RAC2: variants seen among roughly 807,000 people sequenced by gnomAD.
RAC2 encodes the protein Rac family small GTPase 2.
Under a neutral mutation model 24.0 loss-of-function variants are expected in RAC2, and 1 was observed. The ratio of observed to expected loss-of-function variants is 0.04; its 90% CI spans 0.01 to 0.20. RAC2 has a LOEUF of 0.20. Ranked by LOEUF, RAC2 falls within the 10% of genes least tolerant of loss-of-function variation. The pLI is 1.00. For missense variants in RAC2, 130 were observed against 259.1 expected (o/e 0.50, Z 3.42); for synonymous variants, 114 against 106.8 (o/e 1.07, Z -0.41).
intron 1 of RAC2, among the ~76,000 whole-genome samples, chr22:37,242,685 A>T (rs1927440960): frequency 6.6e-6 from 1 of 152,186 alleles, no homozygotes; most frequent in Non-Finnish European, 1.5e-5. Context: ...CCCTCCTCCG[A>T]TCAGATACAA....
chr22:37,240,746 G>T (rs1927362015), intron 2 of RAC2: 2 of 466,096 alleles, frequency 4.3e-6, no homozygotes, highest in Non-Finnish European at 7.9e-6. Flanking sequence ...CTTCGTGGTA[G>T]ATCAGAAAGG....
intron 5 of RAC2, among the ~76,000 whole-genome samples, chr22:37,228,845 C>G (rs1569088524): frequency 1.3e-5 from 2 of 152,202 alleles, no homozygotes; most frequent in Admixed American, 6.5e-5. Context: ...GAGGATGTCA[C>G]TCGCTCTGAG....
At chr22:37,227,013 C>CCCT (rs1199741870) in intron 5 of RAC2, among the ~76,000 whole-genome samples, 2 of 39,306 alleles carry the variant, frequency 5.1e-5, no homozygotes, top group African/African-American at 2.8e-4. Context: ...ACGCCATACA[C>CCCT]CCCTCCCACG....
intron 2 of RAC2, among the ~76,000 whole-genome samples, chr22:37,237,169 C>T (rs1248185073): frequency 6.9e-6 from 1 of 144,862 alleles, no homozygotes; most frequent in African/African-American, 2.6e-5. Context: ...AGCCTGGTGA[C>T]ACAGCGAGAC....
intron 5 of RAC2, among the ~76,000 whole-genome samples, chr22:37,229,149 T>C (rs1027966826): frequency 6.6e-5 from 10 of 152,202 alleles, no homozygotes; most frequent in Non-Finnish European, 1.2e-4. Context: ...CAGGGCTCAC[T>C]TTGGCTCGGC....
In RAC2 at chr22:37,232,568, A is replaced by C; in HGVS notation, c.225+233T>G. On this transcript the variant is annotated intron_variant, in intron 3 of 6. Transcript: ENST00000249071. ...GAAACAGGGGGTGCCAGAGCCCAGG[A>C]GGCAATGGGGTGGGAAGATGGGCAC... 3 of 568,194 alleles carry C rather than the reference A, an allele frequency of 5.3e-6. No individual in the cohort carries two copies. In the South Asian group the frequency reaches 5.8e-5, roughly 11 times the overall value. The allele number at this position is 568,194 out of a possible 1,614,324, so 35.2% of individuals were successfully genotyped here.
intron 2 of RAC2, among the ~76,000 whole-genome samples, chr22:37,235,825 G>A (rs1453540319): frequency 6.6e-6 from 1 of 152,198 alleles, no homozygotes; most frequent in Admixed American, 6.5e-5. Context: ...TCTCCTCTGG[G>A]TCATCCCTGG....
At chr22:37,237,293 C>G (rs2145828305) in intron 2 of RAC2, among the ~76,000 whole-genome samples, 1 of 149,862 alleles carries the variant, frequency 6.7e-6, no homozygotes, top group East Asian at 2.0e-4. Flanking sequence ...CAGAGGGGAA[C>G]AGAGGGGGAA....
At chr22:37,226,845 G>T (rs200023542) in intron 5 of RAC2, 42 bp from the exon 6 acceptor site, 113 of 1,583,676 alleles carry the variant, frequency 7.1e-5, no homozygotes, top group African/African-American at 1.4e-4. Context: ...CCTAAGTGGC[G>T]GGGGGGGTTC....
chr22:37,238,524 G>A (rs949560787), intron 2 of RAC2, among the ~76,000 whole-genome samples: 2 of 152,252 alleles, frequency 1.3e-5, no homozygotes, highest in Non-Finnish European at 2.9e-5. Flanking sequence ...ACAGGCATGA[G>A]CCACGGCGCC....
chr22:37,225,578 C>T lies in RAC2; in HGVS notation c.*464G>A, dbSNP rs567846956. ...CACTCATTTTTGCTGGGTAGAGGAA[C>T]TCTCTGGCAAGCAGGACCATCGATA... On this transcript the variant is annotated 3_prime_UTR_variant, in exon 7 of 7. Transcript: ENST00000249071. The T allele has an allele frequency of 6.6e-6, 1 of 152,346 alleles. No individual in the cohort carries two copies. Among genetic ancestry groups the T allele is most frequent in the East Asian group, 1.9e-4 (1 of 5,192 alleles). The allele number at this position is 152,346 out of a possible 1,614,324, so 9.4% of individuals were successfully genotyped here.
rs1205035940 is a variant in RAC2, at chr22:37,237,880, CG to C, written c.107+3706del. Among the ~76,000 whole-genome samples, 3 of 151,686 alleles carry C rather than the reference CG, an allele frequency of 2.0e-5. No individual in the cohort carries two copies. In the East Asian group the frequency reaches 5.9e-4, roughly 30 times the overall value. ...GAGCAGCAAGATGAAGTCGGGCTGT[CG>C]GGGGGCCTATGAAGACAGCCAAGCA... is the stretch of plus-strand genomic sequence containing the variant. On this transcript the variant is annotated intron_variant, in intron 2 of 6. Transcript: ENST00000249071.
rs56285130 is a variant in RAC2 at position 37,232,619 on chromosome 22, G to C, written c.225+182C>G. ...ATTGAGGACCGGGAACCAATGCAGG[G>C]CTGAGGGAGTGCAAGAGGAAGCCCT... On this transcript the variant is annotated intron_variant, in intron 3 of 6. Transcript: ENST00000249071. The C allele has an allele frequency of 1.4e-3, 876 of 641,720 alleles. 3 individuals carry two copies. The African/African-American group carries it at 0.014, about 10-fold the overall frequency. 39.8% of individuals were successfully genotyped at this position (641,720 alleles called of 1,614,324 possible). A position where few individuals can be genotyped will look rare whatever the true frequency, so the allele number is the denominator to read the frequency against.
At chr22:37,240,184 C>T (rs1454338428) in intron 2 of RAC2, among the ~76,000 whole-genome samples, 1 of 152,152 alleles carries the variant, frequency 6.6e-6, no homozygotes, top group Non-Finnish European at 1.5e-5. Flanking sequence ...GAGGAATCCT[C>T]TGGGGTGGGT....
At position 37,231,871 on chromosome 22, in the gene RAC2, T is replaced by C; in HGVS notation, c.288+61A>G. On this transcript the variant is annotated intron_variant, in intron 4 of 6. Coordinates refer to ENST00000249071, the MANE Select transcript of RAC2 (RefSeq NM_002872.5). This position sits in a 1 kb window ranked among gnomAD's most constrained non-coding sequence, Gnocchi z 5.5. ...GGACCAGCCTAGAGTCACCAGTTCC[T>C]CCCTCTGTCCCTCAGGGTTACCTGC... The C allele has an allele frequency of 1.3e-6, 2 of 1,525,912 alleles. No individual in the cohort carries two copies. The highest frequency in any genetic ancestry group is 1.8e-6 in the Non-Finnish European group (2 of 1,124,424). The allele number at this position is 1,525,912 out of a possible 1,614,324, so 94.5% of individuals were successfully genotyped here. A position where few individuals can be genotyped will look rare whatever the true frequency, so the allele number is the denominator to read the frequency against.
At chr22:37,240,968 C>A in intron 2 of RAC2, 1 of 710,256 alleles carries the variant, frequency 1.4e-6, no homozygotes, top group Non-Finnish European at 2.6e-6. Context: ...TGAGTGAAGG[C>A]CATCAGGAGC....
At chr22:37,239,174 C>T (rs975595975) in intron 2 of RAC2, among the ~76,000 whole-genome samples, 5 of 152,294 alleles carry the variant, frequency 3.3e-5, no homozygotes, top group African/African-American at 1.2e-4. Context: ...TCTGGGGTCT[C>T]GTCTGGGGCT....
chr22:37,243,418 C>T (rs1927465753), intron 1 of RAC2, among the ~76,000 whole-genome samples: 1 of 152,194 alleles, frequency 6.6e-6, no homozygotes, highest in African/African-American at 2.4e-5. Context: ...CCCTGCCGAC[C>T]CCACAATCAC....
intron 2 of RAC2, chr22:37,241,017 G>A (rs1429623156): frequency 2.8e-6 from 2 of 717,392 alleles, no homozygotes; most frequent in Middle Eastern, 2.3e-4. Flanking sequence ...AATGTCCTAG[G>A]AGTGATGGGG....
Sources: allele counts gnomAD v4.1 joint callset (sites outside exome capture counted in the v4.1 genomes callset), GRCh38; gene constraint gnomAD v4.1.1; non-coding constraint Gnocchi (gnomAD v3.1); transcripts MANE v1.5; gene names NCBI Gene and HGNC (gene_info 2026-07-23, HGNC 2026-07-21).